LRP12: variants seen among roughly 807,000 people sequenced by gnomAD.
The protein encoded by LRP12 is LDL receptor related protein 12.
LRP12 carries 14 observed loss-of-function variants against 66.0 expected under a neutral mutation model. The ratio of observed to expected loss-of-function variants is 0.21; its 90% CI spans 0.14 to 0.33. The LOEUF (loss-of-function observed/expected upper bound fraction) is 0.33, where lower values mean the gene tolerates loss of function less well. Among genes scored for constraint, LRP12 ranks in the 10% least tolerant of loss-of-function variants. The probability of loss-of-function intolerance (pLI) is 1.00; values close to 1 mark genes in which losing one functional copy is unlikely to be tolerated. For missense variants in LRP12, 889 were observed against 1,053.4 expected (o/e 0.84, Z 2.16); for synonymous variants, 357 against 359.1 (o/e 0.99, Z 0.07).
At chr8:104,572,014 A>G (rs1812086420) in intron 1 of LRP12, among the ~76,000 whole-genome samples, 1 of 152,260 alleles carries the variant, frequency 6.6e-6, no homozygotes, top group Non-Finnish European at 1.5e-5. Context: ...CTAAAAACTG[A>G]AAACAATGGA....
chr8:104,529,108 G>C (rs549122302), intron 2 of LRP12, among the ~76,000 whole-genome samples: 14 of 152,270 alleles, frequency 9.2e-5, no homozygotes, highest in African/African-American at 2.9e-4. Flanking sequence ...TTTGGAGAGA[G>C]AGTCTTTACA....
At chr8:104,544,421 T>G (rs1299258932) in intron 1 of LRP12, among the ~76,000 whole-genome samples, 2 of 152,140 alleles carry the variant, frequency 1.3e-5, no homozygotes, top group African/African-American at 4.8e-5. Flanking sequence ...GGCAACAGAT[T>G]CTCAATGTAG....
chr8:104,524,610 G>A (rs1175330749), intron 2 of LRP12, among the ~76,000 whole-genome samples: 1 of 152,116 alleles, frequency 6.6e-6, no homozygotes, highest in Non-Finnish European at 1.5e-5. Flanking sequence ...GAAAGAGCAG[G>A]AGATAAAATT....
At chr8:104,517,080 AG>A (rs1167774988) in intron 2 of LRP12, among the ~76,000 whole-genome samples, 1 of 151,696 alleles carries the variant, frequency 6.6e-6, no homozygotes, top group African/African-American at 2.4e-5. Flanking sequence ...ACACATATGA[AG>A]GGCACAAAAG....
intron 4 of LRP12, among the ~76,000 whole-genome samples, chr8:104,498,632 G>C (rs1288792740): frequency 6.6e-6 from 1 of 152,084 alleles, no homozygotes; most frequent in Admixed American, 6.5e-5. Flanking sequence ...GTCTATCATT[G>C]ATGGGCATTT....
At position 104,520,805 on chromosome 8, in the gene LRP12, C is replaced by T. The variant is rs73295127; in HGVS notation, c.136+11102G>A. Among the ~76,000 whole-genome samples, 1,016 of 152,096 alleles carry T rather than the reference C, an allele frequency of 6.7e-3. 7 individuals are homozygous for T. Among genetic ancestry groups the T allele is most frequent in the African/African-American group, 0.023 (957 of 41,540 alleles). ...CAGTACATCCAATTAAAATTCATGC[C>T]TTGGCAAAAATTACAGATAACCAAC... is the stretch of plus-strand genomic sequence containing the variant. On this transcript the variant is annotated intron_variant, in intron 2 of 6. Transcript: ENST00000276654.
chr8:104,575,176 T>C (rs1156575910), intron 1 of LRP12, among the ~76,000 whole-genome samples: 1 of 152,160 alleles, frequency 6.6e-6, no homozygotes. Flanking sequence ...GAGTGATCAT[T>C]CCTGCTTGCA....
At chr8:104,509,494 G>A (rs1176874199) in intron 2 of LRP12, among the ~76,000 whole-genome samples, 2 of 152,188 alleles carry the variant, frequency 1.3e-5, no homozygotes, top group Non-Finnish European at 2.9e-5. Flanking sequence ...TCCACGCTGT[G>A]TATGCTACCC....
intron 1 of LRP12, among the ~76,000 whole-genome samples, chr8:104,559,391 TG>T (rs1306084060): frequency 6.6e-6 from 1 of 152,068 alleles, no homozygotes; most frequent in Non-Finnish European, 1.5e-5. Context: ...CATTCATAAA[TG>T]GGAGCTAAGC....
At chr8:104,506,613 T>C (rs1488560600) in intron 3 of LRP12, 1 of 152,186 alleles carries the variant, frequency 6.6e-6, no homozygotes, top group East Asian at 1.9e-4. Flanking sequence ...CTCTCTAAGC[T>C]CTCAGCCCCA....
At chr8:104,548,982 G>C (rs1016303657) in intron 1 of LRP12, among the ~76,000 whole-genome samples, 13 of 149,744 alleles carry the variant, frequency 8.7e-5, no homozygotes, top group African/African-American at 3.3e-4. Flanking sequence ...AAGTTTATCA[G>C]AGGCTTTACA....
At chr8:104,571,526 T>C (rs943313228) in intron 1 of LRP12, among the ~76,000 whole-genome samples, 1 of 152,224 alleles carries the variant, frequency 6.6e-6, no homozygotes, top group Non-Finnish European at 1.5e-5. Flanking sequence ...TGTTTGGTAG[T>C]TCCTCCTGTG....
intron 1 of LRP12, among the ~76,000 whole-genome samples, chr8:104,588,431 G>T (rs1812370541): frequency 6.6e-6 from 1 of 152,160 alleles, no homozygotes; most frequent in African/African-American, 2.4e-5. Context: ...TCCCGGCAGC[G>T]GCGGGGGCGA....
intron 1 of LRP12, among the ~76,000 whole-genome samples, chr8:104,541,082 G>T (rs1440919434): frequency 1.3e-5 from 2 of 152,144 alleles, no homozygotes. Flanking sequence ...TATATGTTTA[G>T]ACTTCCTGTA....
chr8:104,533,097 A>T (rs1229995831), intron 1 of LRP12, among the ~76,000 whole-genome samples: 2 of 152,140 alleles, frequency 1.3e-5, no homozygotes, highest in Non-Finnish European at 2.9e-5. Context: ...GAAAACATAC[A>T]TTATATTTCC....
At chr8:104,547,635 TATA>T (rs1811610034) in intron 1 of LRP12, among the ~76,000 whole-genome samples, 1 of 125,446 alleles carries the variant, frequency 8.0e-6, no homozygotes, top group Non-Finnish European at 1.6e-5. Flanking sequence ...ATATAATAAA[TATA>T]TATTAATAAT....
rs1811956562 is a variant in LRP12 at position 104,564,046 on chromosome 8, T to C, written c.79+24773A>G. Among the ~76,000 whole-genome samples, 2 of 152,204 alleles carry C rather than the reference T, an allele frequency of 1.3e-5. 1 individual carries two copies. The stretch of plus-strand genomic sequence containing the variant: ...CCTGCTTGCCTCCTGCTACTTCATA[T>C]AGCATAGCTTGCTATTCAGATACTA... On this transcript the variant is annotated intron_variant, in intron 1 of 6. Transcript: ENST00000276654.
intron 1 of LRP12, among the ~76,000 whole-genome samples, chr8:104,547,610 ATAT>A (rs1811606862): frequency 1.6e-5 from 2 of 124,234 alleles, no homozygotes; most frequent in African/African-American, 3.2e-5. Flanking sequence ...AATTATTAAT[ATAT>A]AATATATTAA....
chr8:104,528,808 T>C (rs1055715992), intron 2 of LRP12, among the ~76,000 whole-genome samples: 5 of 151,690 alleles, frequency 3.3e-5, no homozygotes, highest in Admixed American at 6.6e-5. Flanking sequence ...AAAACAGCAA[T>C]GACTCTGTGT....
Sources: gnomAD v4.1 joint callset for allele counts (sites outside exome capture counted in the v4.1 genomes callset) on GRCh38, gnomAD v4.1.1 for gene constraint, MANE v1.5 for transcripts, NCBI Gene and HGNC (gene_info 2026-07-23, HGNC 2026-07-21) for gene names.